Variants in TRAPPC13 observed in about 807,000 individuals in gnomAD.
The protein encoded by TRAPPC13 is trafficking protein particle complex subunit 13.
Under a neutral mutation model 54.0 loss-of-function variants are expected in TRAPPC13, and 39 were observed. The ratio of observed to expected loss-of-function variants is 0.72; its 90% CI spans 0.56 to 0.94. The LOEUF (loss-of-function observed/expected upper bound fraction) is 0.94, where lower values mean the gene tolerates loss of function less well. Ranked by LOEUF, TRAPPC13 falls within the 40% of genes least tolerant of loss-of-function variation. The pLI, the probability that TRAPPC13 is intolerant of heterozygous loss-of-function variation, is 0.00. For synonymous variants in TRAPPC13, 148 were observed against 167.7 expected (o/e 0.88, Z 0.91); for missense variants, 386 against 488.1 (o/e 0.79, Z 1.97).
chr5:65,631,700 T>A (rs1432075972), intron 1 of TRAPPC13, among the ~76,000 whole-genome samples: 2 of 152,180 alleles, frequency 1.3e-5, no homozygotes, highest in East Asian at 3.8e-4. Context: ...AAGGCCATAA[T>A]CTGAAAATAT....
chr5:65,638,262 G>A (rs1477422516), intron 4 of TRAPPC13, among the ~76,000 whole-genome samples: 1 of 152,110 alleles, frequency 6.6e-6, no homozygotes, highest in Non-Finnish European at 1.5e-5. Context: ...TATTATGTTA[G>A]GCATGAAAAC....
chr5:65,657,734 C>T (rs73763178), intron 8 of TRAPPC13, among the ~76,000 whole-genome samples: 2 of 152,132 alleles, frequency 1.3e-5, no homozygotes, highest in East Asian at 1.9e-4. Context: ...TACAAAATAC[C>T]TTTTGCCTGA....
intron 3 of TRAPPC13, 99 bp downstream of exon 3, chr5:65,636,142 A>AT (rs1488083905): frequency 1.5e-6 from 1 of 658,422 alleles, no homozygotes; most frequent in South Asian, 2.2e-5. Flanking sequence ...TGATACATTT[A>AT]CCTTTTTTTT....
At chr5:65,637,630 CA>C (rs374091978) in intron 3 of TRAPPC13, 65 bp from the exon 4 acceptor site, 70,607 of 656,932 alleles carry the variant, frequency 0.11, no homozygotes, top group East Asian at 0.12. Context: ...GACTCTGTCT[CA>C]AAAAAAAAAA....
chr5:65,664,190 T>C lies in TRAPPC13; in HGVS notation c.999-47T>C, dbSNP rs563202610. 111 of 1,574,832 alleles carry C rather than the reference T, an allele frequency of 7.0e-5. 1 individual carries two copies. In the South Asian group the frequency reaches 1.2e-3, roughly 17 times the overall value. On this transcript the variant is annotated intron_variant, in intron 11 of 12. Transcript: ENST00000399438. ...TAGTAGAAATATTGCAGTACCTCTT[T>C]GTGAAATGAACAAGATTTATTCCTA...
At chr5:65,635,862 A>G in intron 2 of TRAPPC13, 82 bp from the exon 3 acceptor site, 6 of 821,812 alleles carry the variant, frequency 7.3e-6, no homozygotes, top group Non-Finnish European at 9.1e-6. Flanking sequence ...TTTTTAAAAT[A>G]TCTCTCCCAG....
At chr5:65,648,597 A>G in intron 5 of TRAPPC13, among the ~76,000 whole-genome samples, 1 of 152,168 alleles carries the variant, frequency 6.6e-6, no homozygotes, top group East Asian at 1.9e-4. Context: ...TAGATCCTCT[A>G]CCTTGCTATA....
chr5:65,658,006 A>G (rs1756713749), intron 8 of TRAPPC13: 1 of 167,384 alleles, frequency 6.0e-6, no homozygotes, highest in African/African-American at 2.4e-5. Context: ...TACTGAAATT[A>G]TAGGAGCATA....
chr5:65,662,428 GAACT>G (rs1334984367), intron 11 of TRAPPC13: 4 of 232,334 alleles, frequency 1.7e-5, no homozygotes, highest in African/African-American at 9.1e-5. Flanking sequence ...ACCAAAACAT[GAACT>G]AATAGGTTCT....
chr5:65,647,313 C>A, intron 5 of TRAPPC13, 131 bp downstream of exon 5: 4 of 700,768 alleles, frequency 5.7e-6, no homozygotes, highest in Non-Finnish European at 6.6e-6. Flanking sequence ...TCTATGTTGG[C>A]ATGTTTACCA....
At chr5:65,641,815 C>G (rs1193427138) in intron 4 of TRAPPC13, among the ~76,000 whole-genome samples, 1 of 150,492 alleles carries the variant, frequency 6.6e-6, no homozygotes, top group Non-Finnish European at 1.5e-5. Flanking sequence ...CCTGCAAAAT[C>G]ATATGAGCTA....
chr5:65,664,020 AG>A, intron 11 of TRAPPC13: 1 of 496,310 alleles, frequency 2.0e-6, no homozygotes, highest in Non-Finnish European at 3.5e-6. Context: ...CAGGCAGATT[AG>A]TCTGAGGCTA....
At chr5:65,633,693 G>A (rs1277386759) in intron 1 of TRAPPC13, among the ~76,000 whole-genome samples, 2 of 151,900 alleles carry the variant, frequency 1.3e-5, no homozygotes, top group Non-Finnish European at 2.9e-5. Flanking sequence ...TCAAACGACA[G>A]TCTTTAGAAG....
At chr5:65,641,270 G>GAT (rs1755954620) in intron 4 of TRAPPC13, among the ~76,000 whole-genome samples, 4 of 152,098 alleles carry the variant, frequency 2.6e-5, no homozygotes, top group Admixed American at 2.0e-4. Context: ...CACTTAAGAG[G>GAT]ATATAGGTCA....
At chr5:65,635,699 G>T (rs376135247) in intron 2 of TRAPPC13, among the ~76,000 whole-genome samples, 1 of 151,556 alleles carries the variant, frequency 6.6e-6, no homozygotes, top group East Asian at 1.9e-4. Flanking sequence ...AATTATTGGG[G>T]CTTTCTCTAG....
chr5:65,636,122 GA>G, intron 3 of TRAPPC13, 79 bp downstream of exon 3: 1 of 897,988 alleles, frequency 1.1e-6, no homozygotes, highest in Non-Finnish European at 1.7e-6. Flanking sequence ...ATGGGATGGG[GA>G]AATGCTCATG....
rs67982454 is a variant in TRAPPC13 at position 65,633,977 on chromosome 5, G to GTT, written c.47-1299_47-1298dup. On this transcript the variant is annotated intron_variant, in intron 1 of 12. Transcript: ENST00000399438. ...TGTTTTTTAAAATATCTCTCCCAGCGTTTTTTTTTTTTTTTTTTTTTTTTT... is the reference window on the plus strand; with the variant it reads ...TGTTTTTTAAAATATCTCTCCCAGCGTTTTTTTTTTTTTTTTTTTTTTTTTTT... Among the ~76,000 whole-genome samples the GTT allele has an allele frequency of 3.3e-4, 20 of 60,486 alleles. 3 individuals carry two copies. The highest frequency in any genetic ancestry group is 1.0e-3 in the East Asian group (2 of 1,946). The allele number at this position is 60,486 out of a possible 152,430, so 39.7% of individuals were successfully genotyped here. A position where few individuals can be genotyped will look rare whatever the true frequency, so the allele number is the denominator to read the frequency against.
intron 7 of TRAPPC13, among the ~76,000 whole-genome samples, chr5:65,654,753 G>A (rs538398383): frequency 6.6e-6 from 1 of 152,296 alleles, no homozygotes; most frequent in South Asian, 2.1e-4. Flanking sequence ...ACAAGTTCAT[G>A]AGAAACTTTG....
chr5:65,637,909 A>C, intron 4 of TRAPPC13, 129 bp downstream of exon 4: 1 of 448,064 alleles, frequency 2.2e-6, no homozygotes, highest in South Asian at 2.3e-5. Context: ...ACCTGAGGTC[A>C]GGAGTTCAAG....
Sources: allele counts gnomAD v4.1 joint callset (sites outside exome capture counted in the v4.1 genomes callset), GRCh38; gene constraint gnomAD v4.1.1; transcripts MANE v1.5; gene names NCBI Gene and HGNC (gene_info 2026-07-23, HGNC 2026-07-21).